Variants in SIGLEC9 observed in about 807,000 individuals in gnomAD.
The protein encoded by SIGLEC9 is sialic acid binding Ig like lectin 9.
In SIGLEC9, 26 loss-of-function variants were observed where a neutral mutation model predicts 38.3. That is an observed-to-expected ratio of 0.68 (90% CI 0.50 to 0.94). SIGLEC9 has a LOEUF of 0.94. SIGLEC9 is among the 40% of genes least tolerant of loss of function. SIGLEC9 has a pLI of 0.00. For missense variants in SIGLEC9, 556 were observed against 585.7 expected (o/e 0.95, Z 0.52); for synonymous variants, 236 against 248.0 (o/e 0.95, Z 0.45).
In SIGLEC9 at chr19:51,125,215, C is replaced by G. The variant is rs1231574450; in HGVS notation, c.241C>G (p.Arg81Gly). The change falls in exon 1 of 7, where the codon CGG becomes GGG. Residue 81 changes from arginine to glycine, a missense_variant. By Grantham distance (125) the Arg-to-Gly change is moderately radical. Coordinates refer to ENST00000250360, the MANE Select transcript of SIGLEC9 (RefSeq NM_014441.3). ...TCCAGTGGCCACAAACAACCCAGCT[C>G]GGGCAGTGTGGGAGGAGACTCGGGA... is the stretch of plus-strand genomic sequence containing the variant. ...DAPVATNNPA[R>G]AVWEETRDRF... 6.2e-7 allele frequency: 1 copy of G among 1,614,054 alleles called. No individual in the cohort carries two copies. Among genetic ancestry groups the G allele is most frequent in the South Asian group, 1.1e-5 (1 of 91,078 alleles).
downstream of SIGLEC9, among the ~76,000 whole-genome samples, chr19:51,133,861 T>C (rs1014366603): frequency 2.0e-5 from 3 of 152,158 alleles, no homozygotes; most frequent in African/African-American, 7.2e-5. Context: ...ATTGATTACA[T>C]GTTTCCATGT....
At chr19:51,126,535 C>T (rs923668153) in intron 3 of SIGLEC9, among the ~76,000 whole-genome samples, 2 of 152,332 alleles carry the variant, frequency 1.3e-5, no homozygotes, top group African/African-American at 4.8e-5. Flanking sequence ...GCCTGCCCCC[C>T]TCCCCAGAAC....
downstream of SIGLEC9, among the ~76,000 whole-genome samples, chr19:51,133,076 T>G (rs936453957): frequency 6.6e-6 from 1 of 151,890 alleles, no homozygotes; most frequent in African/African-American, 2.4e-5. Context: ...AAGTTGGTTC[T>G]GAAATTTATA....
Position 51,125,723 on chromosome 19 carries a change from C to T in SIGLEC9, c.548C>T (p.Thr183Ile). ...GTPPMISWIGTSVSPLDPSTT... is the reference protein window; with the variant it reads ...GTPPMISWIGISVSPLDPSTT... The stretch of plus-strand genomic sequence containing the variant: ...CCCCCTATGATCTCCTGGATAGGGA[C>T]CTCCGTGTCCCCCCTGGACCCCTCC... The change falls in exon 2 of 7, where the codon ACC becomes ATC. Residue 183 changes from threonine to isoleucine, a missense_variant. By Grantham distance (89) the Thr-to-Ile change is moderately conservative. Coordinates refer to ENST00000250360, the MANE Select transcript of SIGLEC9 (RefSeq NM_014441.3). The T allele has an allele frequency of 1.2e-6, 2 of 1,614,042 alleles. No individual in the cohort carries two copies.
At chr19:51,123,842 C>T (rs1016861005), upstream of SIGLEC9, among the ~76,000 whole-genome samples, 7 of 152,186 alleles carry the variant, frequency 4.6e-5, no homozygotes, top group African/African-American at 1.4e-4. Context: ...ACACAGGATA[C>T]TCCCAGTTCC....
rs367841404 is a variant in SIGLEC9, at chr19:51,125,115, G to A, written c.141G>A (p.Ser47=). 2.4e-5 allele frequency: 38 copies of A among 1,613,910 alleles called. No homozygotes were observed. The highest frequency in any genetic ancestry group is 1.6e-4 in the Middle Eastern group (1 of 6,084). Residue 47 remains serine, a synonymous_variant, in exon 1 of 7, where the codon TCG becomes TCA. Transcript: ENST00000250360. ...TGCCCTGCTCCTTCTCCTACCCCTC[G>A]CATGGCTGGATTTACCCTGGCCCAG... The part of the protein sequence containing the change: ...VHVPCSFSYP[S]HGWIYPGPVV...
chr19:51,127,043 G>A lies in SIGLEC9; in HGVS notation c.762G>A (p.Leu254=), dbSNP rs924937150. ...FQGDGTVSTV[L]GNGSSLSLPE... ...CTTTTTCTACAGTATCCACAGTCTT[G>A]GGAAATGGCTCATCTCTGTCACTCC... is the stretch of plus-strand genomic sequence containing the variant. Residue 254 remains leucine, a synonymous_variant, in exon 4 of 7, where the codon TTG becomes TTA. Coordinates refer to ENST00000250360, the MANE Select transcript of SIGLEC9 (RefSeq NM_014441.3). The A allele has an allele frequency of 1.2e-6, 2 of 1,613,984 alleles. No individual in the cohort carries two copies. The highest frequency in any genetic ancestry group is 2.7e-5 in the African/African-American group (2 of 75,010).
chr19:51,126,535 C>G (rs923668153), intron 3 of SIGLEC9, among the ~76,000 whole-genome samples: 2 of 152,214 alleles, frequency 1.3e-5, no homozygotes, highest in African/African-American at 4.8e-5. Flanking sequence ...GCCTGCCCCC[C>G]TCCCCAGAAC....
At chr19:51,134,328 A>C (rs1377084719), downstream of SIGLEC9, among the ~76,000 whole-genome samples, 1 of 151,702 alleles carries the variant, frequency 6.6e-6, no homozygotes, top group African/African-American at 2.4e-5. Context: ...TATTTTTAAT[A>C]GAGATGACCA....
rs376609619 is a variant in SIGLEC9, at chr19:51,124,935, C to T, written c.-40C>T. On this transcript the variant is annotated 5_prime_UTR_variant, in exon 1 of 7. Coordinates refer to ENST00000250360, the MANE Select transcript of SIGLEC9 (RefSeq NM_014441.3). ...TTCCTGAGAGAAGAACCCTGAGGAA[C>T]AGACGTTCCCTCGCGGCCCTGGCAC... 60 of 1,570,088 alleles carry T rather than the reference C, an allele frequency of 3.8e-5. No individual in the cohort carries two copies. The African/African-American group carries it at 7.0e-4, about 18-fold the overall frequency.
chr19:51,133,616 C>T (rs1207724896), downstream of SIGLEC9, among the ~76,000 whole-genome samples: 2 of 151,838 alleles, frequency 1.3e-5, no homozygotes, highest in Non-Finnish European at 2.9e-5. Flanking sequence ...TAAATGTTAG[C>T]GGAACAAGTG....
chr19:51,126,903 G>C, intron 3 of SIGLEC9, 127 bp from the exon 4 acceptor site: 1 of 769,380 alleles, frequency 1.3e-6, no homozygotes, highest in Non-Finnish European at 2.1e-6. Context: ...AGTGAGTGGT[G>C]AAAGTGTGTG....
At chr19:51,124,559 A>G (rs2091963265), upstream of SIGLEC9, among the ~76,000 whole-genome samples, 1 of 152,094 alleles carries the variant, frequency 6.6e-6, no homozygotes, top group African/African-American at 2.4e-5. Flanking sequence ...CCCATCTCTC[A>G]TGGCCCCAAG....
At chr19:51,126,046 A>C (rs1472899636) in intron 2 of SIGLEC9, 35 bp from the exon 3 acceptor site, 52 of 1,610,718 alleles carry the variant, frequency 3.2e-5, no homozygotes, top group Non-Finnish European at 4.4e-5. Context: ...CCCAGCCCTC[A>C]CAGTGATGCG....
chr19:51,127,857 G>T, intron 4 of SIGLEC9, 92 bp from the exon 5 acceptor site: 1 of 721,220 alleles, frequency 1.4e-6, no homozygotes. Flanking sequence ...AGGGGAAGTG[G>T]AAATAGAAGT....
chr19:51,135,236 C>T (rs957151027), downstream of SIGLEC9, among the ~76,000 whole-genome samples: 1 of 152,172 alleles, frequency 6.6e-6, no homozygotes, highest in African/African-American at 2.4e-5. Context: ...CTGTGTTTGG[C>T]ACTCACTTAA....
downstream of SIGLEC9, among the ~76,000 whole-genome samples, chr19:51,134,171 TTTTGA>T (rs2092031648): frequency 1.4e-5 from 2 of 141,580 alleles, no homozygotes; most frequent in South Asian, 4.5e-4. Flanking sequence ...TTTTTTTTTT[TTTTGA>T]GAAGGAGTCT....
Position 51,125,211 on chromosome 19 carries a change from A to T in SIGLEC9, c.237A>T (p.Pro79=), listed in dbSNP as rs61744734. ...ATGCTCCAGTGGCCACAAACAACCCAGCTCGGGCAGTGTGGGAGGAGACTC... is the reference window on the plus strand; with the variant it reads ...ATGCTCCAGTGGCCACAAACAACCCTGCTCGGGCAGTGTGGGAGGAGACTC... ...DQDAPVATNN[P]ARAVWEETRD... is the part of the protein sequence containing the mutation. The change falls in exon 1 of 7, where the codon CCA becomes CCT. Residue 79 remains proline (P), a synonymous_variant. Coordinates refer to ENST00000250360, the MANE Select transcript of SIGLEC9 (RefSeq NM_014441.3). 5.1e-3 allele frequency: 8,199 copies of T among 1,614,072 alleles called. 29 individuals carry two copies. Among genetic ancestry groups the T allele is most frequent in the Non-Finnish European group, 5.8e-3 (6,878 of 1,179,982 alleles).
downstream of SIGLEC9, among the ~76,000 whole-genome samples, chr19:51,134,142 CTTTTCTTTTTTTT>C (rs2092030888): frequency 2.0e-5 from 1 of 50,514 alleles, no homozygotes; most frequent in Non-Finnish European, 5.0e-5. Flanking sequence ...TTATTTCTTT[CTTTTCTTTTTTTT>C]TTTTTTTTTT....
Sources: allele counts gnomAD v4.1 joint callset (sites outside exome capture counted in the v4.1 genomes callset), GRCh38; gene constraint gnomAD v4.1.1; transcripts MANE v1.5; gene names NCBI Gene and HGNC (gene_info 2026-07-23, HGNC 2026-07-21).